CCDC138: variants seen among roughly 807,000 people sequenced by gnomAD.
CCDC138 encodes the protein coiled-coil domain-containing protein 138.
CCDC138 carries 66 observed loss-of-function variants against 82.3 expected under a neutral mutation model. That is an observed-to-expected ratio of 0.80 (90% CI 0.66 to 0.98). CCDC138 has a LOEUF of 0.98. CCDC138 is among the 50% of genes least tolerant of loss of function. The pLI is 0.00. For missense variants in CCDC138, 816 were observed against 758.9 expected (o/e 1.08, Z -0.88); for synonymous variants, 297 against 265.4 (o/e 1.12, Z -1.16).
In CCDC138 at chr2:108,833,099, C is replaced by A. The variant is rs569163000; in HGVS notation, c.1207-6086C>A. ...CTGGAGTAAAGAGATCAGTAGCTGC[C>A]AGGGGTTCTGAGAAAGAGGAGCAGA... On this transcript the variant is annotated intron_variant, in intron 10 of 14. Transcript: ENST00000295124. Among the ~76,000 whole-genome samples, 5 of 152,196 alleles carry A rather than the reference C, an allele frequency of 3.3e-5. No homozygotes were observed. In the South Asian group the frequency reaches 1.0e-3, roughly 32 times the overall value.
At chr2:108,818,820 C>CTT (rs199823267) in intron 10 of CCDC138, among the ~76,000 whole-genome samples, 6 of 144,574 alleles carry the variant, frequency 4.2e-5, no homozygotes, top group African/African-American at 7.6e-5. Flanking sequence ...AAACTTCTGA[C>CTT]TTTTTTTTTT....
chr2:108,827,832 A>T (rs968245870), intron 10 of CCDC138, among the ~76,000 whole-genome samples: 1 of 145,168 alleles, frequency 6.9e-6, no homozygotes, highest in African/African-American at 2.5e-5. Context: ...AAAAAAAAAA[A>T]TTAAAAAAAT....
intron 13 of CCDC138, among the ~76,000 whole-genome samples, chr2:108,858,044 C>A (rs968021046): frequency 6.6e-6 from 1 of 152,098 alleles, no homozygotes; most frequent in Non-Finnish European, 1.5e-5. Flanking sequence ...TACCATTGTC[C>A]AGGTTACTCT....
intron 13 of CCDC138, among the ~76,000 whole-genome samples, chr2:108,857,225 C>T (rs561009784): frequency 6.6e-6 from 1 of 151,756 alleles, no homozygotes; most frequent in South Asian, 2.1e-4. Context: ...ATTACAGGCA[C>T]ACGCCACCAC....
At chr2:108,836,644 G>A (rs1046417677) in intron 10 of CCDC138, among the ~76,000 whole-genome samples, 4 of 152,108 alleles carry the variant, frequency 2.6e-5, no homozygotes, top group African/African-American at 7.2e-5. Flanking sequence ...TCTGTAGATC[G>A]CTTTGGGTAG....
At chr2:108,848,006 C>T (rs988601701) in intron 12 of CCDC138, among the ~76,000 whole-genome samples, 1 of 152,058 alleles carries the variant, frequency 6.6e-6, no homozygotes, top group African/African-American at 2.4e-5. Context: ...AATACACACA[C>T]GCTTACATAC....
At chr2:108,881,132 C>T (rs1406337128), downstream of CCDC138, among the ~76,000 whole-genome samples, 1 of 152,194 alleles carries the variant, frequency 6.6e-6, no homozygotes, top group Admixed American at 6.5e-5. Context: ...GCTGTTTCAT[C>T]TACATTGAAA....
At chr2:108,851,730 G>A (rs1558732928) in intron 12 of CCDC138, among the ~76,000 whole-genome samples, 1 of 152,150 alleles carries the variant, frequency 6.6e-6, no homozygotes, top group African/African-American at 2.4e-5. Context: ...TAGAGTCCTG[G>A]CTTGGGCCAA....
chr2:108,817,373 G>C (rs975220020), intron 10 of CCDC138, among the ~76,000 whole-genome samples: 2 of 151,648 alleles, frequency 1.3e-5, no homozygotes, highest in Non-Finnish European at 2.9e-5. Context: ...GCTCACTGCA[G>C]CCTCCACCTC....
At chr2:108,805,866 G>T (rs151018810) in intron 7 of CCDC138, among the ~76,000 whole-genome samples, 1 of 152,302 alleles carries the variant, frequency 6.6e-6, no homozygotes, top group East Asian at 1.9e-4. Flanking sequence ...GTATGTTAAA[G>T]AGAGACAAGA....
chr2:108,846,748 T>C lies in CCDC138; in HGVS notation c.1334T>C (p.Met445Thr), dbSNP rs144608296. Residue 445 changes from methionine (M) to threonine (T), a missense_variant, in exon 12 of 15, where the codon ATG (methionine) becomes ACG (threonine). Physicochemically the swap from Met to Thr is moderately conservative, Grantham distance 81. Coordinates refer to ENST00000295124, the MANE Select transcript of CCDC138 (RefSeq NM_144978.3). ...QLDAGAQHST[M>T]TSTLRRLGED... ...ACATATTTTTAACAGCACTCGACTATGACATCAACATTGAGGAGATTGGGT... is the reference window on the plus strand; with the variant it reads ...ACATATTTTTAACAGCACTCGACTACGACATCAACATTGAGGAGATTGGGT... 2.8e-4 allele frequency: 446 copies of C among 1,608,070 alleles called. 2 individuals carry two copies. The Middle Eastern group carries it at 0.012, about 44-fold the overall frequency.
rs1234148940 is a variant in CCDC138 at position 108,802,526 on chromosome 2, T to G, written c.736-2363T>G. ...GTTGCTTATCAGCTTAAGGAGATTT[T>G]GGGCTGAGACGATAGGGTTTTCTAG... On this transcript the variant is annotated intron_variant, in intron 6 of 14. Coordinates refer to ENST00000295124, the MANE Select transcript of CCDC138 (RefSeq NM_144978.3). 1.6e-3 allele frequency among the ~76,000 whole-genome samples: 237 copies of G among 146,302 alleles called. 1 individual carries two copies. Among genetic ancestry groups the G allele is most frequent in the African/African-American group, 5.8e-3 (217 of 37,734 alleles).
In CCDC138 at chr2:108,867,653, G is replaced by A. The variant is rs533387460; in HGVS notation, c.1694-5798G>A. Among the ~76,000 whole-genome samples the A allele has an allele frequency of 3.9e-5, 6 of 152,150 alleles. 1 individual carries two copies. In the South Asian group the frequency reaches 1.2e-3, roughly 32 times the overall value. On this transcript the variant is annotated intron_variant, in intron 13 of 14. Coordinates refer to ENST00000295124, the MANE Select transcript of CCDC138 (RefSeq NM_144978.3). ...TGGACTTGAAAAAAAATACTGAAGA[G>A]GAAAATTCATTTGGGTGTTTTTCAA...
intron 10 of CCDC138, among the ~76,000 whole-genome samples, chr2:108,819,075 C>T (rs957458565): frequency 6.6e-6 from 1 of 152,150 alleles, no homozygotes; most frequent in Non-Finnish European, 1.5e-5. Flanking sequence ...ATAAGACTAA[C>T]GTCATCAACA....
chr2:108,880,079 A>G (rs1036156280), downstream of CCDC138, among the ~76,000 whole-genome samples: 1 of 152,194 alleles, frequency 6.6e-6, no homozygotes, highest in Non-Finnish European at 1.5e-5. Context: ...AAAGCAAAAG[A>G]AAACATTTTA....
intron 1 of CCDC138, chr2:108,882,076 C>G (rs1201530314): frequency 1.3e-5 from 2 of 152,116 alleles, no homozygotes; most frequent in Non-Finnish European, 2.9e-5. Flanking sequence ...GTCACATGAG[C>G]CCAGGAGTTG....
At chr2:108,880,365 T>C (rs952818842), downstream of CCDC138, among the ~76,000 whole-genome samples, 2 of 152,226 alleles carry the variant, frequency 1.3e-5, no homozygotes, top group Non-Finnish European at 2.9e-5. Flanking sequence ...ATAGATACAA[T>C]GGAAATCCTA....
chr2:108,876,388 C>T lies in CCDC138; in HGVS notation c.*135C>T. ...ATGAAAAATAAATAATTTTTTTGAA[C>T]TGTAAAAATGAAATCTGTAGAAGGT... On this transcript the variant is annotated 3_prime_UTR_variant, in exon 15 of 15. Transcript: ENST00000295124. The T allele has an allele frequency of 1.9e-6, 1 of 529,290 alleles. No individual in the cohort carries two copies. The highest frequency in any genetic ancestry group is 3.2e-6 in the Non-Finnish European group (1 of 313,562). 32.8% of individuals were successfully genotyped at this position (529,290 alleles called of 1,614,324 possible). A position where few individuals can be genotyped will look rare whatever the true frequency, so the allele number is the denominator to read the frequency against.
chr2:108,839,743 CTAGTTTTA>C (rs1574158499), intron 11 of CCDC138, among the ~76,000 whole-genome samples: 1 of 151,532 alleles, frequency 6.6e-6, no homozygotes, highest in East Asian at 1.9e-4. Context: ...CCTGAGCTTA[CTAGTTTTA>C]GGAGTTTTCT....
Sources: allele counts gnomAD v4.1 joint callset (sites outside exome capture counted in the v4.1 genomes callset), GRCh38; gene constraint gnomAD v4.1.1; transcripts MANE v1.5; gene names NCBI Gene and HGNC (gene_info 2026-07-23, HGNC 2026-07-21).